RIPOR2: variants seen among roughly 807,000 people sequenced by gnomAD.
The protein encoded by RIPOR2 is RHO family interacting cell polarization regulator 2, also known as rho family-interacting cell polarization regulator 2.
Under a neutral mutation model 114.5 loss-of-function variants are expected in RIPOR2, and 39 were observed. That is an observed-to-expected ratio of 0.34 (90% CI 0.26 to 0.44). The LOEUF (loss-of-function observed/expected upper bound fraction) is 0.44, where lower values mean the gene tolerates loss of function less well. Ranked by LOEUF, RIPOR2 falls within the 20% of genes least tolerant of loss-of-function variation. The probability of loss-of-function intolerance (pLI) is 1.00; values close to 1 mark genes in which losing one functional copy is unlikely to be tolerated. For missense variants in RIPOR2, 1,007 were observed against 1,255.1 expected (o/e 0.80, Z 2.99); for synonymous variants, 445 against 484.4 (o/e 0.92, Z 1.07).
At position 25,006,156 on chromosome 6, in the gene RIPOR2, G is replaced by C. The variant is rs140323412; in HGVS notation, c.76+35695C>G. On this transcript the variant is annotated intron_variant, in intron 1 of 13. Transcript: ENST00000510784. ...ACTCAGAAATAAATACTGTTAACATGTATACAGTTTTTCTTTCTCTTTCCA... is the reference window on the plus strand; with the variant it reads ...ACTCAGAAATAAATACTGTTAACATCTATACAGTTTTTCTTTCTCTTTCCA... Among the ~76,000 whole-genome samples, 472 of 152,202 alleles carry C rather than the reference G, an allele frequency of 3.1e-3. 4 individuals are homozygous for C. Among genetic ancestry groups the C allele is most frequent in the African/African-American group, 8.2e-3 (342 of 41,532 alleles).
In RIPOR2 at chr6:24,883,741, T is replaced by C. The variant is rs1163904008; in HGVS notation, c.62-7924A>G. Among the ~76,000 whole-genome samples, 2 of 151,922 alleles carry C rather than the reference T, an allele frequency of 1.3e-5. No individual in the cohort carries two copies. The highest frequency in any genetic ancestry group is 3.9e-4 in the East Asian group (2 of 5,192). ...GAATCAGTAAGCAACCAGCTGAGAG[T>C]TGCTTTCGTGATTTGATCCTGTCTC... On this transcript the variant is annotated intron_variant, in intron 1 of 21. Transcript: ENST00000643898. This position sits in a 1 kb window ranked among gnomAD's most constrained non-coding sequence, Gnocchi z 4.1.
At chr6:24,808,207 C>T (rs1780902587) in intron 21 of RIPOR2, among the ~76,000 whole-genome samples, 1 of 152,182 alleles carries the variant, frequency 6.6e-6, no homozygotes, top group Admixed American at 6.5e-5. Context: ...ATGGTGATGG[C>T]TTCTGGAGAT....
chr6:24,834,611 A>T (rs532458995), intron 15 of RIPOR2, among the ~76,000 whole-genome samples: 3 of 152,192 alleles, frequency 2.0e-5, no homozygotes, highest in South Asian at 2.1e-4. Context: ...TATGCCTACC[A>T]GGTGATCGAG....
At chr6:24,837,722 A>C (rs750980980) in intron 14 of RIPOR2, among the ~76,000 whole-genome samples, 2 of 152,202 alleles carry the variant, frequency 1.3e-5, no homozygotes, top group African/African-American at 2.4e-5. Context: ...ATGTAGGATA[A>C]TTTAAACATT....
intron 1 of RIPOR2, among the ~76,000 whole-genome samples, chr6:24,991,797 T>TAG (rs1412217436): frequency 6.6e-6 from 1 of 152,174 alleles, no homozygotes; most frequent in East Asian, 1.9e-4. Context: ...AATAGCCTCC[T>TAG]AGAGACAGCT....
chr6:25,027,105 C>T (rs1776660799), intron 1 of RIPOR2, among the ~76,000 whole-genome samples: 1 of 152,128 alleles, frequency 6.6e-6, no homozygotes, highest in African/African-American at 2.4e-5. Context: ...AAAAAGCAAG[C>T]TCATTAAGAA....
intron 8 of RIPOR2, 110 bp downstream of exon 8, chr6:24,860,863 G>A: frequency 1.5e-6 from 1 of 676,154 alleles, no homozygotes; most frequent in Non-Finnish European, 2.6e-6. Context: ...AGAGTGGGTG[G>A]CGCTGCGTCT....
At chr6:25,041,531 G>A (rs561603859) in intron 1 of RIPOR2, among the ~76,000 whole-genome samples, 1 of 152,306 alleles carries the variant, frequency 6.6e-6, no homozygotes, top group Non-Finnish European at 1.5e-5. Flanking sequence ...ATGACTCCTT[G>A]ACCGATGTAA....
At chr6:24,839,416 A>T in intron 13 of RIPOR2, 144 bp from the exon 14 acceptor site, 1 of 1,433,176 alleles carries the variant, frequency 7.0e-7, no homozygotes, top group Non-Finnish European at 9.2e-7. Context: ...GCATTTAAAA[A>T]TCTTTATATC....
Position 24,858,415 on chromosome 6 carries a change from A to G in RIPOR2, c.715+2558T>C, listed in dbSNP as rs904409129. Among the ~76,000 whole-genome samples, 1 of 152,176 alleles carries G rather than the reference A, an allele frequency of 6.6e-6. No individual in the cohort carries two copies. The highest frequency in any genetic ancestry group is 1.5e-5 in the Non-Finnish European group (1 of 68,024). ...GGTTGCCAGGTCTGAGAGTATTGTG[A>G]AATAGTCTGTTTGTCAATATGTATG... On this transcript the variant is annotated intron_variant, in intron 8 of 21. Coordinates refer to ENST00000643898, the MANE Select transcript of RIPOR2 (RefSeq NM_001286445.3). The surrounding 1 kb of genome is among the most constrained non-coding windows in gnomAD (Gnocchi z 4.0).
intron 1 of RIPOR2, among the ~76,000 whole-genome samples, chr6:24,960,740 G>A (rs1258783281): frequency 1.3e-5 from 2 of 152,066 alleles, no homozygotes; most frequent in African/African-American, 4.8e-5. Context: ...ATGTTGCCCA[G>A]GCTCATCTCA....
chr6:24,837,517 C>T (rs1761223673), intron 14 of RIPOR2, among the ~76,000 whole-genome samples: 1 of 152,158 alleles, frequency 6.6e-6, no homozygotes, highest in African/African-American at 2.4e-5. Context: ...TCAAGCAATC[C>T]TCCCACCTCA....
At position 24,804,734 on chromosome 6, in the gene RIPOR2, A is replaced by T. The variant is rs1780677105; in HGVS notation, c.*1639T>A. 6.6e-6 allele frequency: 1 copy of T among 152,236 alleles called. No individual in the cohort carries two copies. The highest frequency in any genetic ancestry group is 1.5e-5 in the Non-Finnish European group (1 of 68,032). 9.4% of individuals were successfully genotyped at this position (152,236 alleles called of 1,614,324 possible). On this transcript the variant is annotated 3_prime_UTR_variant, in exon 22 of 22. Coordinates refer to ENST00000643898, the MANE Select transcript of RIPOR2 (RefSeq NM_001286445.3). ...TTAAAAGTCTTGCTAAAATGTAAAT[A>T]TTTAAAATGACATCTAAATGATACA...
At chr6:25,032,226 G>T (rs1480610477) in intron 1 of RIPOR2, among the ~76,000 whole-genome samples, 1 of 151,640 alleles carries the variant, frequency 6.6e-6, no homozygotes, top group Non-Finnish European at 1.5e-5. Flanking sequence ...TGAAGGATTG[G>T]ATTAATTTCA....
At chr6:24,850,544 G>T in intron 10 of RIPOR2, 53 bp downstream of exon 10, 2 of 1,608,354 alleles carry the variant, frequency 1.2e-6, no homozygotes, top group South Asian at 2.2e-5. Context: ...CCCCACCAAT[G>T]GATCATCCAG....
chr6:24,869,277 C>G (rs1440153065), intron 5 of RIPOR2, 130 bp from the exon 6 acceptor site: 1 of 522,440 alleles, frequency 1.9e-6, no homozygotes, highest in African/African-American at 2.0e-5. Flanking sequence ...TTCCTTCTAT[C>G]TTTGAAGCTA....
chr6:24,870,331 G>C (rs989773246), intron 5 of RIPOR2, among the ~76,000 whole-genome samples: 23 of 152,282 alleles, frequency 1.5e-4, no homozygotes, highest in African/African-American at 5.3e-4. Flanking sequence ...CTACAACCCA[G>C]TGGCATTTTA....
intron 19 of RIPOR2, among the ~76,000 whole-genome samples, chr6:24,821,606 A>G (rs1759706394): frequency 1.3e-5 from 2 of 152,266 alleles, no homozygotes; most frequent in Non-Finnish European, 2.9e-5. Flanking sequence ...CTAAATAGTT[A>G]GAGCCTGGGC....
chr6:24,848,851 A>G (rs984751545), intron 11 of RIPOR2, among the ~76,000 whole-genome samples: 9 of 152,224 alleles, frequency 5.9e-5, no homozygotes, highest in African/African-American at 1.2e-4. Context: ...TCAACATGTC[A>G]TATTTACTTG....
Sources: gnomAD v4.1 joint callset for allele counts (sites outside exome capture counted in the v4.1 genomes callset) on GRCh38, gnomAD v4.1.1 for gene constraint, Gnocchi (gnomAD v3.1) non-coding constraint, MANE v1.5 for transcripts, NCBI Gene and HGNC (gene_info 2026-07-23, HGNC 2026-07-21) for gene names.